The following CCNB1IP1 variants were observed in gnomAD, a reference collection of about 807,000 sequenced individuals.
CCNB1IP1 encodes the protein cyclin B1 interacting protein 1, also known as E3 ubiquitin-protein ligase CCNB1IP1.
Under a neutral mutation model 25.6 loss-of-function variants are expected in CCNB1IP1, and 14 were observed. The observed-to-expected ratio is 0.55, with a 90% CI of 0.36 to 0.85. The LOEUF (loss-of-function observed/expected upper bound fraction) is 0.85. Ranked by LOEUF, CCNB1IP1 falls within the 40% of genes least tolerant of loss-of-function variation. CCNB1IP1 has a pLI of 0.01. For missense variants in CCNB1IP1, 278 were observed against 342.4 expected, an observed-to-expected ratio of 0.81 and a Z score of 1.48; for synonymous variants, 119 against 116.1, an observed-to-expected ratio of 1.02 and a Z score of -0.16.
chr14:20,317,053 G>A (rs560481134), intron 4 of CCNB1IP1, among the ~76,000 whole-genome samples: 1 of 152,098 alleles, frequency 6.6e-6, no homozygotes, highest in Admixed American at 6.5e-5. Context: ...AGGTTGCAGT[G>A]AAGTGAGATC....
chr14:20,331,383 A>G (rs1047196514), intron 1 of CCNB1IP1, among the ~76,000 whole-genome samples: 4 of 152,244 alleles, frequency 2.6e-5, no homozygotes, highest in East Asian at 1.9e-4. Context: ...AAAGCCATCA[A>G]GATGATTTTC....
In CCNB1IP1 at chr14:20,316,385, T is replaced by C. The variant is rs754149418; in HGVS notation, c.139A>G (p.Ile47Val). ...AGGGTACTGTTGCAGGCAGGACAGA[T>C]AGCTGGTGAGCGACTAAACTCACCA... ...GSGEFSRSPA[I>V]CPACNSTLSG... Residue 47 changes from isoleucine (I) to valine (V), a missense_variant, in exon 5 of 7, where the codon ATC becomes GTC. By Grantham distance (29) the Ile-to-Val change is conservative (BLOSUM62 3). Transcript: ENST00000358932. 1.9e-6 allele frequency: 3 copies of C among 1,613,996 alleles called. No homozygotes were observed. Among genetic ancestry groups the C allele is most frequent in the East Asian group, 2.2e-5 (1 of 44,880 alleles).
chr14:20,315,764 T>C (rs533971901), intron 5 of CCNB1IP1: 1 of 1,243,800 alleles, frequency 8.0e-7, no homozygotes, highest in South Asian at 1.3e-5. Context: ...AAAAAATATT[T>C]AACAAGATAT....
chr14:20,320,296 T>G (rs1327307430), intron 4 of CCNB1IP1: 1 of 455,756 alleles, frequency 2.2e-6, no homozygotes, highest in South Asian at 1.6e-5. Flanking sequence ...ACAATAAGAG[T>G]TGTGAAGGCC....
chr14:20,317,357 G>A (rs909134866), intron 4 of CCNB1IP1, among the ~76,000 whole-genome samples: 1 of 152,070 alleles, frequency 6.6e-6, no homozygotes, highest in African/African-American at 2.4e-5. Flanking sequence ...AGTGAGCCGG[G>A]ATCGCGCCAT....
intron 4 of CCNB1IP1, chr14:20,323,121 C>CT (rs1225650253): frequency 6.6e-6 from 1 of 152,106 alleles, no homozygotes; most frequent in Non-Finnish European, 1.5e-5. Flanking sequence ...TAGGCTGCTT[C>CT]TTTTATTTTT....
At chr14:20,316,070 TCAA>T (rs1053891419) in intron 5 of CCNB1IP1, among the ~76,000 whole-genome samples, 154 bp downstream of exon 5, 1 of 152,212 alleles carries the variant, frequency 6.6e-6, no homozygotes, top group Non-Finnish European at 1.5e-5. Context: ...CTTTTGATTT[TCAA>T]CAATAAACAG....
intron 4 of CCNB1IP1, among the ~76,000 whole-genome samples, chr14:20,324,124 C>T (rs1381478543): frequency 2.6e-5 from 4 of 151,626 alleles, no homozygotes; most frequent in East Asian, 3.9e-4. Context: ...TTTTGAGGGG[C>T]GGGGTGAAGG....
intron 4 of CCNB1IP1, among the ~76,000 whole-genome samples, chr14:20,321,641 C>T (rs1242046541): frequency 6.6e-6 from 1 of 152,000 alleles, no homozygotes; most frequent in Non-Finnish European, 1.5e-5. Flanking sequence ...TTAGTAGAGA[C>T]GGGGTTTCAC....
chr14:20,332,188 C>A (rs1478745674), intron 1 of CCNB1IP1, among the ~76,000 whole-genome samples: 3 of 151,016 alleles, frequency 2.0e-5, no homozygotes, highest in African/African-American at 7.3e-5. Context: ...GCATGCGCCG[C>A]CATGCCCCAA....
chr14:20,313,902 G>A, intron 5 of CCNB1IP1, 101 bp from the exon 6 acceptor site: 4 of 848,648 alleles, frequency 4.7e-6, no homozygotes, highest in East Asian at 2.7e-5. Context: ...GCTTATATAG[G>A]GATGTTATTT....
chr14:20,325,164 G>A (rs1193630187), intron 4 of CCNB1IP1, among the ~76,000 whole-genome samples: 44 of 150,236 alleles, frequency 2.9e-4, no homozygotes, highest in African/African-American at 1.1e-3. Flanking sequence ...GCTCACGCCT[G>A]TAATCCCAGC....
intron 2 of CCNB1IP1, among the ~76,000 whole-genome samples, chr14:20,328,244 C>G (rs1883135451): frequency 6.6e-6 from 1 of 152,148 alleles, no homozygotes; most frequent in Non-Finnish European, 1.5e-5. Flanking sequence ...TCAATTCCAT[C>G]AAAACTCCAT....
rs1235319174 is a variant in CCNB1IP1 at position 20,333,248 on chromosome 14, A to G, written c.-431+6T>C. 1 of 152,324 alleles carries G rather than the reference A, an allele frequency of 6.6e-6. No individual in the cohort carries two copies. The highest frequency in any genetic ancestry group is 1.5e-5 in the Non-Finnish European group (1 of 68,096). 9.4% of individuals were successfully genotyped at this position (152,324 alleles called of 1,614,324 possible). A position where few individuals can be genotyped will look rare whatever the true frequency, so the allele number is the denominator to read the frequency against. On this transcript the variant is annotated splice_donor_region_variant and intron_variant, in intron 1 of 6. Transcript: ENST00000358932. ...AATTAGAGAGCAAAATTAAGCGCAC[A>G]CTCACCAGCCCACCAAAACGGAGAG...
chr14:20,332,292 C>T (rs1442428413), intron 1 of CCNB1IP1, among the ~76,000 whole-genome samples: 1 of 151,940 alleles, frequency 6.6e-6, no homozygotes, highest in Non-Finnish European at 1.5e-5. Context: ...TATTATTTGT[C>T]TTTCTCACAC....
intron 4 of CCNB1IP1, among the ~76,000 whole-genome samples, chr14:20,320,045 C>T (rs1882841860): frequency 6.6e-6 from 1 of 152,216 alleles, no homozygotes; most frequent in African/African-American, 2.4e-5. Flanking sequence ...CAGGGATCCT[C>T]ATCTGTGATT....
chr14:20,312,866 A>G (rs1030005870), intron 6 of CCNB1IP1, among the ~76,000 whole-genome samples: 26 of 152,222 alleles, frequency 1.7e-4, no homozygotes, highest in African/African-American at 5.8e-4. Context: ...TATTTGCTAA[A>G]TATTTGATAA....
chr14:20,330,738 G>T (rs146412305), intron 1 of CCNB1IP1: 4 of 151,726 alleles, frequency 2.6e-5, no homozygotes, highest in Non-Finnish European at 5.9e-5. Flanking sequence ...GCACCAACAC[G>T]CCCGGCTAAT....
intron 6 of CCNB1IP1, among the ~76,000 whole-genome samples, chr14:20,312,105 G>A (rs1348424808): frequency 6.6e-6 from 1 of 151,944 alleles, no homozygotes; most frequent in African/African-American, 2.4e-5. Flanking sequence ...AATAACTAAA[G>A]GAAAATGCTG....
Sources: allele counts gnomAD v4.1 joint callset (sites outside exome capture counted in the v4.1 genomes callset), GRCh38; gene constraint gnomAD v4.1.1; transcripts MANE v1.5; gene names NCBI Gene and HGNC (gene_info 2026-07-23, HGNC 2026-07-21).